The following ZFTRAF1 variants were observed in gnomAD, a reference collection of about 807,000 sequenced individuals.
ZFTRAF1 encodes the protein zinc finger TRAF-type-containing protein 1.
the ZFTRAF1 span, chr8:144,451,156 A>C: frequency 5.3e-6 from 1 of 189,624 alleles, no homozygotes; most frequent in Admixed American, 5.3e-5. Flanking sequence ...ATTGGTTCTG[A>C]TACAGAGGAG....
At chr8:144,451,187 C>CG in the ZFTRAF1 span, 1 of 173,812 alleles carries the variant, frequency 5.8e-6, no homozygotes, top group African/African-American at 2.4e-5. Context: ...AGCCAGCAGG[C>CG]GGCTGCGGCA....
chr8:144,452,246 G>T, the ZFTRAF1 span: 1 of 1,216,844 alleles, frequency 8.2e-7, no homozygotes, highest in Non-Finnish European at 1.2e-6. Flanking sequence ...CCAGAGCCCG[G>T]CTGTCCGGCG....
the ZFTRAF1 span, chr8:144,452,666 C>CT: frequency 2.5e-6 from 3 of 1,195,700 alleles, no homozygotes; most frequent in Non-Finnish European, 3.5e-6. Flanking sequence ...CTAAGAACCC[C>CT]TTCCTGCAGG....
the ZFTRAF1 span, chr8:144,462,664 C>A: frequency 6.9e-6 from 1 of 144,484 alleles, no homozygotes; most frequent in Admixed American, 6.8e-5. Flanking sequence ...TAGCGGCCGG[C>A]CGGCCCGGCG....
At chr8:144,451,754 G>T in the ZFTRAF1 span, 2 of 163,446 alleles carry the variant, frequency 1.2e-5, no homozygotes, top group African/African-American at 4.8e-5. Context: ...CGGTGGCAGC[G>T]GCCCAGAGAG....
chr8:144,459,985 C>A, the ZFTRAF1 span, among the ~76,000 whole-genome samples: 87 of 152,286 alleles, frequency 5.7e-4, 1 homozygote, highest in Admixed American at 3.9e-4. Flanking sequence ...CCAGCATGGG[C>A]CCAACCAGGG....
chr8:144,454,845 G>A, the ZFTRAF1 span: 1 of 152,312 alleles, frequency 6.6e-6, no homozygotes, highest in African/African-American at 2.4e-5. Flanking sequence ...CCAAGCTAAG[G>A]AGCTGTCAGA....
chr8:144,460,204 G>A, the ZFTRAF1 span, among the ~76,000 whole-genome samples: 1 of 152,222 alleles, frequency 6.6e-6, no homozygotes, highest in Non-Finnish European at 1.5e-5. Context: ...TGTTCCCAGG[G>A]AAGTCACTGA....
At chr8:144,457,046 C>G in the ZFTRAF1 span, 2 of 146,436 alleles carry the variant, frequency 1.4e-5, no homozygotes, top group African/African-American at 2.6e-5. Context: ...GGGATGGCAT[C>G]ATGGGGGGAA....
the ZFTRAF1 span, among the ~76,000 whole-genome samples, chr8:144,452,932 G>A: frequency 2.6e-5 from 4 of 152,256 alleles, no homozygotes; most frequent in Admixed American, 2.6e-4. Flanking sequence ...AGCTCCCTGA[G>A]GTCCTGCGTT....
chr8:144,461,122 C>T, the ZFTRAF1 span, among the ~76,000 whole-genome samples: 73,056 of 151,910 alleles, frequency 0.48, 17,843 homozygotes, highest in Middle Eastern at 0.61. Flanking sequence ...GTCCTCCCGA[C>T]AAGGTCATGC....
At chr8:144,459,166 C>T in the ZFTRAF1 span, among the ~76,000 whole-genome samples, 1 of 152,236 alleles carries the variant, frequency 6.6e-6, no homozygotes, top group Non-Finnish European at 1.5e-5. Context: ...TGTCTCTTCC[C>T]AGAGGAGGTG....
chr8:144,462,326 C>A, the ZFTRAF1 span: 1 of 561,520 alleles, frequency 1.8e-6, no homozygotes. Flanking sequence ...CACGGTGCAG[C>A]ACAGCACCGA....
chr8:144,461,297 A>G, the ZFTRAF1 span, among the ~76,000 whole-genome samples: 2 of 152,358 alleles, frequency 1.3e-5, no homozygotes, highest in South Asian at 4.1e-4. Flanking sequence ...GTGTAAAGAA[A>G]GCTGACAGAG....
the ZFTRAF1 span, chr8:144,455,613 TGA>T: frequency 2.0e-5 from 3 of 152,304 alleles, no homozygotes; most frequent in Non-Finnish European, 4.4e-5. Context: ...CACCTCCTGG[TGA>T]GACTGCCGGG....
At chr8:144,458,129 T>C in the ZFTRAF1 span, among the ~76,000 whole-genome samples, 150,394 of 152,342 alleles carry the variant, frequency 0.99, 74,356 homozygotes, top group Middle Eastern at 1. Flanking sequence ...TGAGAGGGAC[T>C]GGCACGTTGT....
chr8:144,455,584 C>G, the ZFTRAF1 span: 1 of 152,330 alleles, frequency 6.6e-6, no homozygotes. Context: ...GTATGCCACT[C>G]CACGTGGCCA....
chr8:144,458,492 G>A, the ZFTRAF1 span, among the ~76,000 whole-genome samples: 3 of 152,206 alleles, frequency 2.0e-5, no homozygotes, highest in African/African-American at 7.2e-5. Flanking sequence ...GGGAAGAGGG[G>A]CCCGAAGCTC....
the ZFTRAF1 span, chr8:144,456,527 G>A: frequency 6.5e-6 from 1 of 152,714 alleles, no homozygotes; most frequent in African/African-American, 2.4e-5. Flanking sequence ...AGCAGCTGCT[G>A]TGGCACCCAG....
Sources: gnomAD v4.1 joint callset for allele counts (sites outside exome capture counted in the v4.1 genomes callset) on GRCh38, gnomAD v4.1.1 for gene constraint, MANE v1.5 for transcripts, NCBI Gene and HGNC (gene_info 2026-07-23, HGNC 2026-07-21) for gene names.